The following ZFAT variants were observed in gnomAD, a reference collection of about 807,000 sequenced individuals.
ZFAT encodes zinc finger protein ZFAT.
Under a neutral mutation model 117.7 loss-of-function variants are expected in ZFAT, and 64 were observed. The observed-to-expected ratio is 0.54, with a 90% CI of 0.44 to 0.67. The LOEUF is 0.67. Among genes scored for constraint, ZFAT ranks in the 30% least tolerant of loss-of-function variants. The pLI is 0.00. For synonymous variants in ZFAT, 679 were observed against 615.0 expected (o/e 1.10, Z -1.54); for missense variants, 1,433 against 1,584.5 (o/e 0.90, Z 1.62).
At chr8:134,526,213 T>A (rs1821013923) in intron 12 of ZFAT, among the ~76,000 whole-genome samples, 1 of 152,208 alleles carries the variant, frequency 6.6e-6, no homozygotes, top group South Asian at 2.1e-4. Context: ...AAAACATTCT[T>A]ATATTATATT....
the ZFAT span, among the ~76,000 whole-genome samples, chr8:134,823,210 A>G: frequency 2.0e-5 from 3 of 152,336 alleles, no homozygotes; most frequent in South Asian, 2.1e-4. Flanking sequence ...AGACAGGACA[A>G]TACCTCAGTA....
At chr8:134,658,145 G>T (rs1021360343) in intron 1 of ZFAT, among the ~76,000 whole-genome samples, 4 of 152,130 alleles carry the variant, frequency 2.6e-5, no homozygotes, top group Non-Finnish European at 1.5e-5. Context: ...AGACCATCCT[G>T]GCTAACATGG....
chr8:134,768,112 A>G, the ZFAT span, among the ~76,000 whole-genome samples: 34 of 152,228 alleles, frequency 2.2e-4, no homozygotes, highest in Non-Finnish European at 2.5e-4. Flanking sequence ...TGTTTTTACA[A>G]ATTGAAGGTT....
intron 1 of ZFAT, among the ~76,000 whole-genome samples, chr8:134,658,928 C>T (rs1476234890): frequency 6.6e-6 from 1 of 152,202 alleles, no homozygotes; most frequent in African/African-American, 2.4e-5. Context: ...GCAGCAAGAA[C>T]CCAGCAGACA....
intron 2 of ZFAT, among the ~76,000 whole-genome samples, chr8:134,639,361 G>A (rs937923835): frequency 1.1e-4 from 16 of 152,222 alleles, no homozygotes; most frequent in Non-Finnish European, 1.8e-4. Flanking sequence ...CGCCACTGGT[G>A]AGTGGGTCAG....
At chr8:134,650,176 G>A (rs1216459513) in intron 2 of ZFAT, among the ~76,000 whole-genome samples, 1 of 148,936 alleles carries the variant, frequency 6.7e-6, no homozygotes, top group Non-Finnish European at 1.5e-5. Flanking sequence ...AGGCTGGAGT[G>A]TAGTGGTGCC....
chr8:134,792,077 A>G, the ZFAT span: 1 of 152,226 alleles, frequency 6.6e-6, no homozygotes, highest in Non-Finnish European at 1.5e-5. Context: ...AATAGAAAGG[A>G]GAAATTAGAA....
chr8:134,610,435 G>T, intron 4 of ZFAT, 35 bp downstream of exon 4: 1 of 1,597,346 alleles, frequency 6.3e-7, no homozygotes. Context: ...CTTGCCAAGG[G>T]TCTTGCCTTT....
chr8:134,494,298 C>G (rs1021464837), intron 15 of ZFAT, among the ~76,000 whole-genome samples: 2 of 152,242 alleles, frequency 1.3e-5, no homozygotes, highest in Admixed American at 6.5e-5. Flanking sequence ...CTGACTTTCA[C>G]AAAATCACCC....
chr8:134,809,761 C>G, the ZFAT span, among the ~76,000 whole-genome samples: 1 of 152,120 alleles, frequency 6.6e-6, no homozygotes, highest in Non-Finnish European at 1.5e-5. Flanking sequence ...TGGGACAGTG[C>G]TTTGAACAAA....
At chr8:134,744,059 C>T in the ZFAT span, among the ~76,000 whole-genome samples, 1 of 152,316 alleles carries the variant, frequency 6.6e-6, no homozygotes, top group South Asian at 2.1e-4. Flanking sequence ...TTTATTATCT[C>T]ACACTTTCCA....
intron 1 of ZFAT, among the ~76,000 whole-genome samples, 197 bp downstream of exon 1, chr8:134,712,648 T>G: frequency 7.5e-6 from 1 of 133,916 alleles, no homozygotes; most frequent in Non-Finnish European, 1.6e-5. Context: ...TGCGGCGGGA[T>G]ACCCCAGCGA....
intron 2 of ZFAT, among the ~76,000 whole-genome samples, chr8:134,653,419 G>GTTTTTTTTTTTT (rs61711569): frequency 1.9e-5 from 1 of 51,338 alleles, no homozygotes; most frequent in Non-Finnish European, 3.3e-5. Flanking sequence ...CGTTTTATCT[G>GTTTTTTTTTTTT]TTTTTTTTTT....
At chr8:134,517,091 T>A (rs7829908) in intron 13 of ZFAT, among the ~76,000 whole-genome samples, 69,682 of 151,892 alleles carry the variant, frequency 0.46, 16,665 homozygotes, top group African/African-American at 0.59. Context: ...CAATACTTGA[T>A]AACTGCAGTT....
the ZFAT span, chr8:134,796,515 G>T: frequency 6.6e-6 from 1 of 152,154 alleles, no homozygotes; most frequent in South Asian, 2.1e-4. Context: ...AGCACTTCTG[G>T]TTTTTTCCTT....
intron 8 of ZFAT, 45 bp downstream of exon 8, chr8:134,590,223 A>G: frequency 6.9e-7 from 1 of 1,449,036 alleles, no homozygotes. Context: ...AATAAACATA[A>G]GCATTTTTAA....
intron 15 of ZFAT, among the ~76,000 whole-genome samples, chr8:134,493,795 T>A (rs1247907820): frequency 6.6e-6 from 1 of 152,156 alleles, no homozygotes; most frequent in Non-Finnish European, 1.5e-5. Flanking sequence ...CCCGTGTGCT[T>A]CACATATCCC....
the ZFAT span, among the ~76,000 whole-genome samples, chr8:134,801,082 C>G: frequency 6.6e-6 from 1 of 152,108 alleles, no homozygotes; most frequent in African/African-American, 2.4e-5. Context: ...GATGCATCAA[C>G]CAATCTTCAT....
chr8:134,585,154 A>C (rs1231712224), intron 9 of ZFAT, among the ~76,000 whole-genome samples: 1 of 152,212 alleles, frequency 6.6e-6, no homozygotes, highest in Non-Finnish European at 1.5e-5. Flanking sequence ...TCAGAGCACC[A>C]GATCCCTCGT....
Sources: gnomAD v4.1 joint callset for allele counts (sites outside exome capture counted in the v4.1 genomes callset) on GRCh38, gnomAD v4.1.1 for gene constraint, MANE v1.5 for transcripts, NCBI Gene and HGNC (gene_info 2026-07-23, HGNC 2026-07-21) for gene names.